Variants in SORCS1 observed in about 807,000 individuals in gnomAD.
SORCS1 encodes VPS10 domain-containing receptor SorCS1.
A neutral mutation model predicts 146.1 loss-of-function variants in SORCS1; 60 were observed. The ratio of observed to expected loss-of-function variants is 0.41; its 90% CI spans 0.33 to 0.51. SORCS1 has a LOEUF of 0.51. SORCS1 is among the 20% of genes least tolerant of loss of function. The pLI is 0.21. For missense variants in SORCS1, 1,352 were observed against 1,487.6 expected, an observed-to-expected ratio of 0.91 and a Z score of 1.50; for synonymous variants, 637 against 584.0, an observed-to-expected ratio of 1.09 and a Z score of -1.31.
chr10:106,721,964 G>A lies in SORCS1; in HGVS notation c.1024+8086C>T, dbSNP rs577471761. Among the ~76,000 whole-genome samples, 5 of 152,174 alleles carry A rather than the reference G, an allele frequency of 3.3e-5. No individual in the cohort carries two copies. The South Asian group carries it at 1.0e-3, about 32-fold the overall frequency. ...TTGCTAAATTTATATGTGCTGATAT[G>A]AAAAGATTTTTAACTTATATTTGTA... On this transcript the variant is annotated intron_variant, in intron 6 of 25. Coordinates refer to ENST00000263054, the MANE Select transcript of SORCS1 (RefSeq NM_052918.5).
chr10:107,169,461 T>A (rs7923854), upstream of SORCS1, among the ~76,000 whole-genome samples: 34,659 of 152,048 alleles, frequency 0.23, 4,028 homozygotes, highest in African/African-American at 0.27. Context: ...ACACCCAATC[T>A]AAGTGGTGTT....
At chr10:106,577,763 T>A in intron 25 of SORCS1, 1 of 961,820 alleles carries the variant, frequency 1.0e-6, no homozygotes, top group Non-Finnish European at 1.4e-6. Flanking sequence ...TAGGAATGAG[T>A]AGACAGGGTG....
chr10:106,746,747 A>G (rs1339452895), intron 5 of SORCS1, among the ~76,000 whole-genome samples: 1 of 152,206 alleles, frequency 6.6e-6, no homozygotes, highest in African/African-American at 2.4e-5. Context: ...ATAGCAGATG[A>G]CAACATAAAG....
upstream of SORCS1, among the ~76,000 whole-genome samples, chr10:107,168,665 CCT>C (rs1970100406): frequency 9.8e-6 from 1 of 101,702 alleles, no homozygotes; most frequent in Non-Finnish European, 2.0e-5. Flanking sequence ...CCAGCTCATG[CCT>C]TTTTTTTTTT....
upstream of SORCS1, among the ~76,000 whole-genome samples, chr10:107,168,412 A>G (rs956719033): frequency 5.3e-5 from 8 of 152,192 alleles, no homozygotes; most frequent in African/African-American, 1.9e-4. Context: ...TTTTGTTAAT[A>G]ACTTCCAAAA....
chr10:106,818,300 GA>G (rs1947840407), intron 3 of SORCS1, among the ~76,000 whole-genome samples: 1 of 151,624 alleles, frequency 6.6e-6, no homozygotes, highest in African/African-American at 2.4e-5. Context: ...AAGACAGGAA[GA>G]AAGTTTATTG....
chr10:106,722,177 G>A (rs1855834779), intron 6 of SORCS1, among the ~76,000 whole-genome samples: 1 of 146,224 alleles, frequency 6.8e-6, no homozygotes, highest in Admixed American at 6.8e-5. Flanking sequence ...AAAGATAAGA[G>A]TTTATATATA....
At chr10:106,597,581 T>C (rs992971354) in intron 23 of SORCS1, 131 bp from the exon 24 acceptor site, 3 of 657,158 alleles carry the variant, frequency 4.6e-6, no homozygotes, top group Non-Finnish European at 7.7e-6. Flanking sequence ...ATAAGGTTTA[T>C]ATGATTTTGA....
chr10:106,971,952 G>A (rs1955806306), intron 1 of SORCS1, among the ~76,000 whole-genome samples: 1 of 152,174 alleles, frequency 6.6e-6, no homozygotes, highest in Admixed American at 6.5e-5. Context: ...GTGGCAGGGT[G>A]AGGGCTAATG....
intron 6 of SORCS1, among the ~76,000 whole-genome samples, chr10:106,718,731 G>A (rs1016318601): frequency 6.6e-6 from 1 of 152,130 alleles, no homozygotes; most frequent in Non-Finnish European, 1.5e-5. Context: ...TGATTGGTCC[G>A]TTTTTACAGA....
In SORCS1 at chr10:106,831,299, T is replaced by C. The variant is rs1948533890; in HGVS notation, c.627-1626A>G. On this transcript the variant is annotated intron_variant, in intron 2 of 25. Transcript: ENST00000263054. ...CTTAGGAGATTGTTTGTAAAATTCA[T>C]TCATTCATTCATTCACATTTGTAGC... is the stretch of plus-strand genomic sequence containing the variant. Among the ~76,000 whole-genome samples the C allele has an allele frequency of 2.0e-5, 3 of 152,360 alleles. No individual in the cohort carries two copies. In the South Asian group the frequency reaches 6.2e-4, roughly 32 times the overall value.
At chr10:106,606,274 T>TACACACACACAC (rs6144077) in intron 23 of SORCS1, among the ~76,000 whole-genome samples, 95 of 139,072 alleles carry the variant, frequency 6.8e-4, no homozygotes, top group African/African-American at 2.6e-3. Context: ...CACACAGATA[T>TACACACACACAC]ACACACACAC....
rs746315976 is a variant in SORCS1 at position 106,611,978 on chromosome 10, T to A, written c.2966A>T (p.Asp989Val). Residue 989 changes from aspartate (D) to valine (V), a missense_variant, in exon 22 of 26, where the codon GAC becomes GTC. By Grantham distance (152) the Asp-to-Val change is radical. Transcript: ENST00000263054. ...LRLSFSPNLD[D>V]YNPDIPEWRR... ...CCACTCAGGGATGTCCGGGTTGTAG[T>A]CATCCAGGTTTGGAGAAAAGGACAA... The A allele has an allele frequency of 6.2e-7, 1 of 1,614,160 alleles. No individual in the cohort carries two copies. Among genetic ancestry groups the A allele is most frequent in the East Asian group, 2.2e-5 (1 of 44,882 alleles).
intron 1 of SORCS1, among the ~76,000 whole-genome samples, chr10:107,003,894 G>C (rs569499741): frequency 6.6e-6 from 1 of 151,986 alleles, no homozygotes; most frequent in Non-Finnish European, 1.5e-5. Context: ...CAGAGAATAC[G>C]GCTGGGTGCG....
At chr10:106,999,180 AAACATACACACACG>A in intron 1 of SORCS1, among the ~76,000 whole-genome samples, 1 of 152,260 alleles carries the variant, frequency 6.6e-6, no homozygotes, top group African/African-American at 2.4e-5. Context: ...TAACAACTAA[AAACATACACACACG>A]AACATACACA....
At chr10:106,679,514 C>A in intron 11 of SORCS1, 118 bp downstream of exon 11, 2 of 1,042,770 alleles carry the variant, frequency 1.9e-6, no homozygotes, top group Non-Finnish European at 2.8e-6. Flanking sequence ...TTTTAGCTTG[C>A]TCATTAAGTT....
chr10:106,921,378 A>C (rs1006609277), intron 2 of SORCS1, among the ~76,000 whole-genome samples: 3 of 152,194 alleles, frequency 2.0e-5, no homozygotes, highest in African/African-American at 4.8e-5. Context: ...CCACTGATGC[A>C]ACAGGAACCA....
At chr10:106,809,846 G>A (rs894058101) in intron 3 of SORCS1, among the ~76,000 whole-genome samples, 2 of 152,170 alleles carry the variant, frequency 1.3e-5, no homozygotes, top group South Asian at 2.1e-4. Context: ...TCTACTGTTT[G>A]TGGATGGCAG....
chr10:106,674,467 G>A (rs752288189), intron 14 of SORCS1, among the ~76,000 whole-genome samples: 2 of 149,464 alleles, frequency 1.3e-5, no homozygotes, highest in Non-Finnish European at 3.0e-5. Context: ...TACTTTCCAT[G>A]TCCAGTTTTC....
Sources: gnomAD v4.1 joint callset for allele counts (sites outside exome capture counted in the v4.1 genomes callset) on GRCh38, gnomAD v4.1.1 for gene constraint, MANE v1.5 for transcripts, NCBI Gene and HGNC (gene_info 2026-07-23, HGNC 2026-07-21) for gene names.